KIF26B: variants seen among roughly 807,000 people sequenced by gnomAD.
The protein encoded by KIF26B is kinesin family member 26B.
In KIF26B, 63 loss-of-function variants were observed where a neutral mutation model predicts 151.2. The ratio of observed to expected loss-of-function variants is 0.42; its 90% CI spans 0.34 to 0.51. The LOEUF (loss-of-function observed/expected upper bound fraction) is 0.51. Ranked by LOEUF, KIF26B falls within the 20% of genes least tolerant of loss-of-function variation. The pLI, the probability that KIF26B is intolerant of heterozygous loss-of-function variation, is 0.07. For synonymous variants in KIF26B, 1,357 were observed against 1,262.1 expected (o/e 1.08, Z -1.59); for missense variants, 2,813 against 2,913.6 (o/e 0.97, Z 0.79).
At chr1:245,230,096 G>A (rs1237813349) in intron 2 of KIF26B, among the ~76,000 whole-genome samples, 1 of 149,292 alleles carries the variant, frequency 6.7e-6, no homozygotes, top group African/African-American at 2.5e-5. Flanking sequence ...TCGCGTTATT[G>A]CACTCCAGCC....
At position 245,606,535 on chromosome 1, in the gene KIF26B, A is replaced by G. The variant is rs192732396; in HGVS notation, c.1558-1116A>G. ...GAGAAGGACATTTCCCAGATCTCCA[A>G]GTTAGTCCACAAAACCGACAGCTCT... On this transcript the variant is annotated intron_variant, in intron 6 of 14. Transcript: ENST00000407071. This position sits in a 1 kb window ranked among gnomAD's most constrained non-coding sequence, Gnocchi z 4.6. 8.6e-4 allele frequency among the ~76,000 whole-genome samples: 131 copies of G among 152,328 alleles called. 1 individual carries two copies. In the South Asian group the frequency reaches 0.016, roughly 19 times the overall value.
intron 3 of KIF26B, among the ~76,000 whole-genome samples, chr1:245,377,525 A>G (rs1673306023): frequency 6.6e-6 from 1 of 152,232 alleles, no homozygotes; most frequent in Non-Finnish European, 1.5e-5. Flanking sequence ...TTTGCCATTA[A>G]AAATCATAGC....
intron 2 of KIF26B, among the ~76,000 whole-genome samples, chr1:245,175,360 A>T (rs1035278627): frequency 6.6e-6 from 1 of 152,108 alleles, no homozygotes; most frequent in African/African-American, 2.4e-5. Context: ...TGGAGCTTCA[A>T]TTTCTAGAGA....
chr1:245,621,471 T>A (rs1294684316), intron 9 of KIF26B, among the ~76,000 whole-genome samples: 1 of 152,208 alleles, frequency 6.6e-6, no homozygotes, highest in Non-Finnish European at 1.5e-5. Context: ...GACGTTATTA[T>A]ATTGTTTCCT....
intron 4 of KIF26B, among the ~76,000 whole-genome samples, chr1:245,462,560 T>C (rs1659674068): frequency 6.6e-6 from 1 of 152,152 alleles, no homozygotes; most frequent in Non-Finnish European, 1.5e-5. Flanking sequence ...GTCACAGCAA[T>C]GGATTCCTTT....
intron 2 of KIF26B, among the ~76,000 whole-genome samples, chr1:245,226,789 G>T (rs1410140785): frequency 6.6e-6 from 1 of 152,292 alleles, no homozygotes; most frequent in East Asian, 1.9e-4. Flanking sequence ...GTTTGGGAAC[G>T]AAAAGGGTAT....
chr1:245,430,074 G>C (rs1658742468), intron 4 of KIF26B, among the ~76,000 whole-genome samples: 5 of 152,332 alleles, frequency 3.3e-5, no homozygotes, highest in Admixed American at 3.3e-4. Flanking sequence ...TACTCACAGT[G>C]GACATTAACG....
At chr1:245,225,053 C>G (rs1244086081) in intron 2 of KIF26B, among the ~76,000 whole-genome samples, 2 of 152,220 alleles carry the variant, frequency 1.3e-5, no homozygotes, top group Non-Finnish European at 2.9e-5. Flanking sequence ...GTAGTTTACA[C>G]CATTTTACAC....
chr1:245,618,189 C>A (rs575128699), intron 9 of KIF26B, among the ~76,000 whole-genome samples: 1 of 152,228 alleles, frequency 6.6e-6, no homozygotes, highest in Non-Finnish European at 1.5e-5. Flanking sequence ...GTAATGTCTT[C>A]TTTGAATTTC....
intron 4 of KIF26B, among the ~76,000 whole-genome samples, chr1:245,526,413 C>T (rs1158182013): frequency 2.0e-5 from 3 of 152,138 alleles, no homozygotes; most frequent in African/African-American, 2.4e-5. Context: ...GGCAGAAATT[C>T]TGCCCGACTT....
At chr1:245,157,747 C>G (rs1336016646) in intron 2 of KIF26B, among the ~76,000 whole-genome samples, 1 of 152,166 alleles carries the variant, frequency 6.6e-6, no homozygotes, top group African/African-American at 2.4e-5. Flanking sequence ...GTCAGTGTAC[C>G]GTTTTTGTAG....
At chr1:245,169,279 G>T (rs568402943) in intron 2 of KIF26B, among the ~76,000 whole-genome samples, 1 of 150,314 alleles carries the variant, frequency 6.7e-6, no homozygotes, top group Admixed American at 6.6e-5. Context: ...TTCTCCTCTT[G>T]TTCTTTGCCC....
chr1:245,372,464 C>G (rs1572029285), intron 3 of KIF26B, among the ~76,000 whole-genome samples: 1 of 152,080 alleles, frequency 6.6e-6, no homozygotes, highest in Non-Finnish European at 1.5e-5. Context: ...GATTTTGTCA[C>G]CCAGGTAGTG....
At position 245,702,452 on chromosome 1, in the gene KIF26B, T is replaced by A; in HGVS notation, c.6179-6T>A. On this transcript the variant is annotated splice_region_variant and splice_polypyrimidine_tract_variant and intron_variant, in intron 14 of 14. Transcript: ENST00000407071. This position sits in a 1 kb window ranked among gnomAD's most constrained non-coding sequence, Gnocchi z 4.1. ...GCGTCTCCATCAGGCTCTTCCTCTC[T>A]TGCAGTTGACTTGGAGCAGGTTTGG... 1 of 1,613,932 alleles carries A rather than the reference T, an allele frequency of 6.2e-7. No homozygotes were observed. The highest frequency in any genetic ancestry group is 8.5e-7 in the Non-Finnish European group (1 of 1,179,850).
In KIF26B at chr1:245,208,604, C is replaced by T. The variant is rs529347487; in HGVS notation, c.465+51921C>T. Among the ~76,000 whole-genome samples the T allele has an allele frequency of 1.5e-3, 223 of 152,260 alleles. 1 individual carries two copies. The highest frequency in any genetic ancestry group is 4.8e-3 in the African/African-American group (201 of 41,542). On this transcript the variant is annotated intron_variant, in intron 2 of 14. Transcript: ENST00000407071. Reference sequence around the variant, plus strand: ...TGAGGTGGAGGCCTGGGGAGGCAAGCGGATGTCGATAGTGAGAAAACGAGA... The same window carrying T: ...TGAGGTGGAGGCCTGGGGAGGCAAGTGGATGTCGATAGTGAGAAAACGAGA...
At chr1:245,199,915 A>G (rs1669268405) in intron 2 of KIF26B, among the ~76,000 whole-genome samples, 1 of 152,238 alleles carries the variant, frequency 6.6e-6, no homozygotes, top group Admixed American at 6.5e-5. Context: ...TATGTGTCAC[A>G]AATTTGTGTT....
chr1:245,367,161 G>T lies in KIF26B; in HGVS notation c.793G>T (p.Gly265Cys). ...SNYTGFANKH[G>C]SKPSSLGVSN... ...CTACACAGGCTTCGCCAACAAGCAC[G>T]GCAGCAAACCCAGCAGCCTTGGGGT... The change falls in exon 3 of 15, where the codon GGC (glycine) becomes TGC (cysteine). Residue 265 changes from glycine to cysteine, a missense_variant. By Grantham distance (159) the Gly-to-Cys change is radical. Coordinates refer to ENST00000407071, the MANE Select transcript of KIF26B (RefSeq NM_018012.4). This position sits in a 1 kb window ranked among gnomAD's most constrained non-coding sequence, Gnocchi z 4.2. 6.2e-7 allele frequency: 1 copy of T among 1,605,214 alleles called. No homozygotes were observed. The highest frequency in any genetic ancestry group is 2.2e-5 in the East Asian group (1 of 44,468).
rs1424548457 is a variant in KIF26B at position 245,170,142 on chromosome 1, TG to T, written c.465+13462del. Among the ~76,000 whole-genome samples, 1 of 151,940 alleles carries T rather than the reference TG, an allele frequency of 6.6e-6. No homozygotes were observed. Among genetic ancestry groups the T allele is most frequent in the Non-Finnish European group, 1.5e-5 (1 of 67,978 alleles). ...GGGACGGTGGTGACAAATGGCGGGA[TG>T]GGAGATGATGCCTGGGTGAGTCCTG... is the stretch of plus-strand genomic sequence containing the variant. On this transcript the variant is annotated intron_variant, in intron 2 of 14. Coordinates refer to ENST00000407071, the MANE Select transcript of KIF26B (RefSeq NM_018012.4). The surrounding 1 kb of genome is among the most constrained non-coding windows in gnomAD (Gnocchi z 4.4).
intron 4 of KIF26B, among the ~76,000 whole-genome samples, chr1:245,496,902 A>C (rs1345600299): frequency 6.6e-6 from 1 of 152,170 alleles, no homozygotes; most frequent in Non-Finnish European, 1.5e-5. Flanking sequence ...GCATAGTTCT[A>C]ATATAAGAGA....
Sources: allele counts gnomAD v4.1 joint callset (sites outside exome capture counted in the v4.1 genomes callset), GRCh38; gene constraint gnomAD v4.1.1; non-coding constraint Gnocchi (gnomAD v3.1); transcripts MANE v1.5; gene names NCBI Gene and HGNC (gene_info 2026-07-23, HGNC 2026-07-21).